The following GRIA4 variants were observed in gnomAD, a reference collection of about 807,000 sequenced individuals.
GRIA4 encodes the protein glutamate receptor 4.
GRIA4 carries 34 observed loss-of-function variants against 104.0 expected under a neutral mutation model. That is an observed-to-expected ratio of 0.33 (90% confidence interval 0.25 to 0.44). The LOEUF (loss-of-function observed/expected upper bound fraction) is 0.44, where lower values mean the gene tolerates loss of function less well. Among genes scored for constraint, GRIA4 ranks in the 20% least tolerant of loss-of-function variants. The pLI, the probability that GRIA4 is intolerant of heterozygous loss-of-function variation, is 1.00. For missense variants in GRIA4, 750 were observed against 1,096.5 expected, an observed-to-expected ratio of 0.68 and a Z score of 4.46; for synonymous variants, 386 against 381.9, an observed-to-expected ratio of 1.01 and a Z score of -0.13.
intron 14 of GRIA4, among the ~76,000 whole-genome samples, chr11:105,963,445 G>A (rs665554): frequency 0.65 from 98,431 of 151,918 alleles, 31,914 homozygotes; most frequent in Middle Eastern, 0.72. Flanking sequence ...TAACATGCAC[G>A]GAAATCTTGA....
intron 3 of GRIA4, among the ~76,000 whole-genome samples, chr11:105,676,905 A>G (rs1313195903): frequency 6.6e-6 from 1 of 151,734 alleles, no homozygotes; most frequent in African/African-American, 2.4e-5. Flanking sequence ...GTGTGTTACC[A>G]ATTTATATCT....
At chr11:105,745,409 A>T (rs759335771) in intron 3 of GRIA4, among the ~76,000 whole-genome samples, 2 of 152,204 alleles carry the variant, frequency 1.3e-5, no homozygotes, top group Non-Finnish European at 2.9e-5. Context: ...CCGGAGCAGG[A>T]GAATGTGTTT....
intron 4 of GRIA4, among the ~76,000 whole-genome samples, chr11:105,799,956 G>A (rs1942647824): frequency 6.6e-6 from 1 of 152,112 alleles, no homozygotes; most frequent in African/African-American, 2.4e-5. Context: ...AAGCTGGATT[G>A]GAATTTTGCC....
chr11:105,619,332 T>C (rs970775158), intron 3 of GRIA4, among the ~76,000 whole-genome samples: 2 of 151,948 alleles, frequency 1.3e-5, no homozygotes, highest in Non-Finnish European at 2.9e-5. Flanking sequence ...ATTTGGAAAA[T>C]ATTCCACATG....
intron 4 of GRIA4, among the ~76,000 whole-genome samples, chr11:105,798,610 G>C (rs1389043730): frequency 6.6e-6 from 1 of 152,130 alleles, no homozygotes; most frequent in East Asian, 1.9e-4. Context: ...CAGAGACACA[G>C]AGGCCGATTA....
intron 14 of GRIA4, among the ~76,000 whole-genome samples, chr11:105,957,166 A>C (rs1948611385): frequency 6.6e-6 from 1 of 152,162 alleles, no homozygotes; most frequent in Admixed American, 6.5e-5. Flanking sequence ...TTGGTGTTTT[A>C]GTCACAAAGT....
intron 2 of GRIA4, 57 bp downstream of exon 2, chr11:105,611,142 T>C: frequency 8.7e-7 from 1 of 1,155,912 alleles, no homozygotes; most frequent in Non-Finnish European, 1.3e-6. Context: ...TATCCGAAAG[T>C]GAGTTAAATG....
intron 4 of GRIA4, among the ~76,000 whole-genome samples, chr11:105,781,037 G>A (rs938358643): frequency 6.6e-6 from 1 of 151,998 alleles, no homozygotes; most frequent in East Asian, 1.9e-4. Context: ...ACTCAAGTTC[G>A]CACAGTGAAG....
chr11:105,705,153 G>A (rs545324295), intron 3 of GRIA4, among the ~76,000 whole-genome samples: 7 of 152,188 alleles, frequency 4.6e-5, no homozygotes, highest in African/African-American at 1.7e-4. Context: ...CACATTTGGG[G>A]CATCACTGGG....
chr11:105,668,498 C>T (rs1952248677), intron 3 of GRIA4, among the ~76,000 whole-genome samples: 1 of 151,164 alleles, frequency 6.6e-6, no homozygotes, highest in African/African-American at 2.4e-5. Context: ...ATTTCATTTC[C>T]TTCAGGTATA....
At chr11:105,875,753 G>A (rs534599760) in intron 5 of GRIA4, among the ~76,000 whole-genome samples, 1 of 152,092 alleles carries the variant, frequency 6.6e-6, no homozygotes, top group East Asian at 1.9e-4. Flanking sequence ...TGGAATTAGT[G>A]GTGATATCCC....
At chr11:105,861,812 T>A (rs1945235462) in intron 4 of GRIA4, among the ~76,000 whole-genome samples, 1 of 152,208 alleles carries the variant, frequency 6.6e-6, no homozygotes, top group Admixed American at 6.5e-5. Context: ...GGTATGGTGT[T>A]GCTACTTCAT....
intron 3 of GRIA4, among the ~76,000 whole-genome samples, chr11:105,738,966 C>T (rs1463562382): frequency 6.8e-6 from 1 of 146,562 alleles, no homozygotes; most frequent in East Asian, 2.0e-4. Flanking sequence ...CAAAAAAAAA[C>T]CCAAATGCAC....
At chr11:105,975,468 GA>G (rs1565375731) in intron 16 of GRIA4, among the ~76,000 whole-genome samples, 1 of 151,682 alleles carries the variant, frequency 6.6e-6, no homozygotes, top group Non-Finnish European at 1.5e-5. Flanking sequence ...ATAGGAGTTG[GA>G]GATTTAAAAA....
At chr11:105,925,110 C>T (rs769318281) in intron 12 of GRIA4, among the ~76,000 whole-genome samples, 7 of 152,050 alleles carry the variant, frequency 4.6e-5, no homozygotes, top group African/African-American at 1.7e-4. Context: ...AAAACAAACA[C>T]TTTTGCTATT....
At chr11:105,764,194 T>C (rs976843386) in intron 4 of GRIA4, among the ~76,000 whole-genome samples, 3 of 152,148 alleles carry the variant, frequency 2.0e-5, no homozygotes, top group African/African-American at 7.2e-5. Flanking sequence ...TGGAATGCAG[T>C]GGCATGATCT....
At chr11:105,695,409 G>A (rs1043849076) in intron 3 of GRIA4, among the ~76,000 whole-genome samples, 5 of 151,886 alleles carry the variant, frequency 3.3e-5, no homozygotes, top group African/African-American at 4.8e-5. Context: ...AGCTACTTAT[G>A]CTTTTCATCC....
At chr11:105,684,228 AAG>A (rs1952799856) in intron 3 of GRIA4, among the ~76,000 whole-genome samples, 1 of 152,144 alleles carries the variant, frequency 6.6e-6, no homozygotes, top group Admixed American at 6.6e-5. Context: ...AGGCGAAGAC[AAG>A]TAACAGAAGT....
Position 105,974,361 on chromosome 11 carries a change from C to T in GRIA4, c.2461C>T (p.Leu821=). ...CAATGTAGCAGGCGTCTTCTACATT[C>T]TGGTTGGCGGCTTGGGCTTGGCAAT... ...LSNVAGVFYI[L]VGGLGLAMLV... Residue 821 remains leucine (L), a synonymous_variant, in exon 16 of 17, where the codon CTG becomes TTG. Transcript: ENST00000282499. The T allele has an allele frequency of 6.2e-7, 1 of 1,613,874 alleles. No homozygotes were observed. Among genetic ancestry groups the T allele is most frequent in the East Asian group, 2.2e-5 (1 of 44,884 alleles).
Sources: allele counts gnomAD v4.1 joint callset (sites outside exome capture counted in the v4.1 genomes callset), GRCh38; gene constraint gnomAD v4.1.1; transcripts MANE v1.5; gene names NCBI Gene and HGNC (gene_info 2026-07-23, HGNC 2026-07-21).